MANBA: variants seen among roughly 807,000 people sequenced by gnomAD.
The protein encoded by MANBA is mannosidase beta.
In MANBA, 83 loss-of-function variants were observed where a neutral mutation model predicts 111.1. The ratio of observed to expected loss-of-function variants is 0.75; its 90% confidence interval spans 0.63 to 0.90. The LOEUF is 0.90. MANBA is among the 40% of genes least tolerant of loss of function. The pLI is 0.00. For synonymous variants in MANBA, 370 were observed against 378.7 expected, an observed-to-expected ratio of 0.98 and a Z score of 0.27; for missense variants, 1,036 against 1,069.0, an observed-to-expected ratio of 0.97 and a Z score of 0.43.
intron 13 of MANBA, among the ~76,000 whole-genome samples, chr4:102,647,063 G>T (rs1194675376): frequency 2.0e-5 from 3 of 151,858 alleles, no homozygotes; most frequent in Non-Finnish European, 2.9e-5. Flanking sequence ...TAGGAACATA[G>T]AAAGTGGAAC....
At chr4:102,722,051 G>C (rs1365201318) in intron 4 of MANBA, among the ~76,000 whole-genome samples, 1 of 143,212 alleles carries the variant, frequency 7.0e-6, no homozygotes, top group East Asian at 2.1e-4. Context: ...AAAAAAAAAA[G>C]AGAAAGAAAA....
At chr4:102,711,802 T>C (rs925079595) in intron 5 of MANBA, among the ~76,000 whole-genome samples, 3 of 152,074 alleles carry the variant, frequency 2.0e-5, no homozygotes, top group African/African-American at 7.2e-5. Flanking sequence ...TAAGTGAAAT[T>C]AGACAGAGAA....
intron 5 of MANBA, among the ~76,000 whole-genome samples, chr4:102,712,643 C>T (rs139639067): frequency 4.6e-5 from 7 of 152,026 alleles, no homozygotes; most frequent in African/African-American, 1.4e-4. Context: ...CTCAGCCTCT[C>T]GAGTAGCTGG....
At chr4:102,673,784 G>C (rs1167622608) in intron 8 of MANBA, 135 bp downstream of exon 8, 7 of 801,028 alleles carry the variant, frequency 8.7e-6, no homozygotes, top group Non-Finnish European at 1.4e-5. Flanking sequence ...CCATTCTGAA[G>C]TTTCCATCGT....
chr4:102,756,733 A>T (rs1578965298), intron 1 of MANBA, among the ~76,000 whole-genome samples: 1 of 145,148 alleles, frequency 6.9e-6, no homozygotes, highest in East Asian at 2.1e-4. Context: ...TATCTCTGGG[A>T]GTGATGTTTC....
chr4:102,748,560 A>G (rs752592433), intron 1 of MANBA, among the ~76,000 whole-genome samples: 3 of 152,204 alleles, frequency 2.0e-5, no homozygotes, highest in Admixed American at 6.5e-5. Context: ...GGTTGTTTCT[A>G]TAGAAGGGAA....
In MANBA at chr4:102,632,350, C is replaced by T. The variant is rs1729425188; in HGVS notation, c.2416-69G>A. ...AGAGTTATATAGTCTGTATACAGTT[C>T]CTGTAAACATTTATGTGGGCTTAAC... On this transcript the variant is annotated intron_variant, in intron 16 of 16. Coordinates refer to ENST00000647097, the MANE Select transcript of MANBA (RefSeq NM_005908.4). 4 of 1,231,094 alleles carry T rather than the reference C, an allele frequency of 3.2e-6. No individual in the cohort carries two copies. In the Admixed American group the frequency reaches 5.4e-5, roughly 17 times the overall value. The allele number at this position is 1,231,094 out of a possible 1,614,324, so 76.3% of individuals were successfully genotyped here. A position where few individuals can be genotyped will look rare whatever the true frequency, so the allele number is the denominator to read the frequency against.
chr4:102,674,028 C>T lies in MANBA; in HGVS notation c.1003G>A (p.Gly335Arg). The change falls in exon 8 of 17, where the codon GGG (glycine) becomes AGG (arginine). Residue 335 changes from glycine (G) to arginine (R), a missense_variant. Gly to Arg is a moderately radical substitution (Grantham distance 125, BLOSUM62 -2). Transcript: ENST00000647097. ...AAATAGAAACTCAAACCAGGAGACCCTTTTATAGGCTCTTCTATAAGTTCC... is the reference window on the plus strand; with the variant it reads ...AAATAGAAACTCAAACCAGGAGACCTTTTTATAGGCTCTTCTATAAGTTCC... Reference protein sequence around the residue: ...TVELIEEPIKGSPGLSFYFKI... With the variant: ...TVELIEEPIKRSPGLSFYFKI... 6.2e-7 allele frequency: 1 copy of T among 1,603,436 alleles called. No homozygotes were observed. The highest frequency in any genetic ancestry group is 1.1e-5 in the South Asian group (1 of 90,830).
rs192858822 is a variant in MANBA, at chr4:102,699,406, T to C, written c.674-8635A>G. ...CTTCCAACACTATGTTGAATAGGAATGGTGAGAGATGGCATCCCTGTCTTG... is the reference window on the plus strand; with the variant it reads ...CTTCCAACACTATGTTGAATAGGAACGGTGAGAGATGGCATCCCTGTCTTG... On this transcript the variant is annotated intron_variant, in intron 5 of 16. Transcript: ENST00000647097. 1.4e-3 allele frequency among the ~76,000 whole-genome samples: 214 copies of C among 152,176 alleles called. 1 individual carries two copies. The highest frequency in any genetic ancestry group is 5.0e-3 in the African/African-American group (206 of 41,444).
chr4:102,658,861 G>A (rs1730709614), intron 11 of MANBA: 2 of 152,224 alleles, frequency 1.3e-5, no homozygotes, highest in South Asian at 4.1e-4. Context: ...TGGCTTACCT[G>A]TTACAACATC....
Position 102,657,770 on chromosome 4 carries a change from T to A in MANBA, c.1616A>T (p.Asp539Val). 1 of 1,613,888 alleles carries A rather than the reference T, an allele frequency of 6.2e-7. No homozygotes were observed. Among genetic ancestry groups the A allele is most frequent in the Non-Finnish European group, 8.5e-7 (1 of 1,179,780 alleles). ...GDVHFYDYIS[D>V]CWNWKVFPKA... is the part of the protein sequence containing the mutation. The stretch of plus-strand genomic sequence containing the variant: ...TGGGAAAACTTTCCAGTTCCAGCAA[T>A]CACTGATATAGTCATAAAAATGTAC... The change falls in exon 12 of 17, where the codon GAT (aspartate) becomes GTT (valine). Residue 539 changes from aspartate (D) to valine (V), a missense_variant. By Grantham distance (152) the Asp-to-Val change is radical. Transcript: ENST00000647097.
chr4:102,632,256 A>G lies in MANBA; in HGVS notation c.2441T>C (p.Ile814Thr). The G allele has an allele frequency of 6.2e-7, 1 of 1,612,462 alleles. No homozygotes were observed. Reference protein sequence around the residue: ...ITAIISQQGDIFVFDLETSAV... With the variant: ...ITAIISQQGDTFVFDLETSAV... ...TGAGGTCTCCAGGTCAAAAACAAATATGTCACCTTGCTGAGAGATGATGGC... is the reference window on the plus strand; with the variant it reads ...TGAGGTCTCCAGGTCAAAAACAAATGTGTCACCTTGCTGAGAGATGATGGC... The change falls in exon 17 of 17, where the codon ATA (isoleucine) becomes ACA (threonine). Residue 814 changes from isoleucine to threonine, a missense_variant. Physicochemically the swap from Ile to Thr is moderately conservative, Grantham distance 89 (BLOSUM62 -1). Transcript: ENST00000647097.
At chr4:102,643,950 G>C (rs1296293993) in intron 13 of MANBA, among the ~76,000 whole-genome samples, 1 of 151,898 alleles carries the variant, frequency 6.6e-6, no homozygotes, top group Non-Finnish European at 1.5e-5. Context: ...TTCTTTGATG[G>C]CAAATTTAAG....
intron 1 of MANBA, among the ~76,000 whole-genome samples, chr4:102,737,640 G>A (rs1401637152): frequency 2.6e-5 from 4 of 152,066 alleles, no homozygotes; most frequent in African/African-American, 4.8e-5. Flanking sequence ...CCGCCACCAC[G>A]CCTGGCTAAT....
chr4:102,748,022 G>A (rs1011246899), intron 1 of MANBA, among the ~76,000 whole-genome samples: 7 of 152,210 alleles, frequency 4.6e-5, no homozygotes, highest in Non-Finnish European at 7.3e-5. Context: ...GGAAGAGTCA[G>A]AGGAGATCAC....
chr4:102,698,971 G>T (rs913633366), intron 5 of MANBA, among the ~76,000 whole-genome samples: 1 of 152,104 alleles, frequency 6.6e-6, no homozygotes, highest in African/African-American at 2.4e-5. Flanking sequence ...TCACAATATT[G>T]ATTCTTCCTA....
chr4:102,719,614 A>G (rs891153077), intron 4 of MANBA, among the ~76,000 whole-genome samples: 1 of 152,212 alleles, frequency 6.6e-6, no homozygotes, highest in Admixed American at 6.5e-5. Context: ...AATTATAGTA[A>G]TAAGCCTCCA....
chr4:102,733,920 GT>G (rs1723117529), intron 1 of MANBA, among the ~76,000 whole-genome samples: 1 of 152,238 alleles, frequency 6.6e-6, no homozygotes, highest in Non-Finnish European at 1.5e-5. Flanking sequence ...TATGGAGACA[GT>G]GAAAGGATCA....
intron 1 of MANBA, among the ~76,000 whole-genome samples, chr4:102,735,443 T>C (rs1578950094): frequency 8.6e-6 from 1 of 116,224 alleles, no homozygotes; most frequent in Non-Finnish European, 1.7e-5. Flanking sequence ...ATGTGGCGAA[T>C]AAACTGCATG....
Sources: allele counts gnomAD v4.1 joint callset (sites outside exome capture counted in the v4.1 genomes callset), GRCh38; gene constraint gnomAD v4.1.1; transcripts MANE v1.5; gene names NCBI Gene and HGNC (gene_info 2026-07-23, HGNC 2026-07-21).